The following RNF121 variants were observed in gnomAD, a reference collection of about 807,000 sequenced individuals.
The protein encoded by RNF121 is ring finger protein 121.
RNF121 carries 21 observed loss-of-function variants against 46.5 expected under a neutral mutation model. The ratio of observed to expected loss-of-function variants is 0.45; its 90% CI spans 0.32 to 0.65. RNF121 has a LOEUF of 0.65. Among genes scored for constraint, RNF121 ranks in the 30% least tolerant of loss-of-function variants. The pLI is 0.04. For missense variants in RNF121, 346 were observed against 416.0 expected, an observed-to-expected ratio of 0.83 and a Z score of 1.46; for synonymous variants, 139 against 144.7, an observed-to-expected ratio of 0.96 and a Z score of 0.28.
chr11:71,985,497 T>A (rs7945374), intron 4 of RNF121, among the ~76,000 whole-genome samples: 152,123 of 152,288 alleles, frequency 1, 75,982 homozygotes, highest in Middle Eastern at 1. Flanking sequence ...ATCAGTGCAA[T>A]CCCTGGAGAA....
At position 71,979,151 on chromosome 11, in the gene RNF121, C is replaced by T. The variant is rs182354644; in HGVS notation, c.244-3610C>T. 1.2e-3 allele frequency among the ~76,000 whole-genome samples: 178 copies of T among 152,342 alleles called. 1 individual carries two copies. The highest frequency in any genetic ancestry group is 4.2e-3 in the African/African-American group (175 of 41,586). ...GGTTGAATGAGTGAGTGGGTGAACA[C>T]TGCCTCTACTCTCCTAGGAAGTCTG... is the stretch of plus-strand genomic sequence containing the variant. On this transcript the variant is annotated intron_variant, in intron 3 of 8. Coordinates refer to ENST00000361756, the MANE Select transcript of RNF121 (RefSeq NM_018320.5).
chr11:71,976,919 C>T (rs1471466409), intron 3 of RNF121, among the ~76,000 whole-genome samples: 1 of 152,098 alleles, frequency 6.6e-6, no homozygotes, highest in Non-Finnish European at 1.5e-5. Flanking sequence ...TCATTTTGAT[C>T]TTATTTCTTC....
chr11:71,984,470 A>G (rs1178309204), intron 4 of RNF121, among the ~76,000 whole-genome samples: 1 of 151,668 alleles, frequency 6.6e-6, no homozygotes, highest in Admixed American at 6.6e-5. Flanking sequence ...TTTAGTAGAG[A>G]CAGGGTTTCC....
At chr11:71,936,094 A>G (rs896917806) in intron 1 of RNF121, among the ~76,000 whole-genome samples, 1 of 151,714 alleles carries the variant, frequency 6.6e-6, no homozygotes, top group African/African-American at 2.4e-5. Context: ...TGATCTGCCC[A>G]CCTTGGCCTC....
chr11:71,929,221 G>A, intron 1 of RNF121, 97 bp downstream of exon 1: 1 of 1,474,194 alleles, frequency 6.8e-7, no homozygotes, highest in Non-Finnish European at 9.1e-7. Flanking sequence ...AGAAGGGAAA[G>A]ATCCTGAGAG....
rs1186974043 is a variant in RNF121, at chr11:71,960,767, T to C, written c.119T>C (p.Met40Thr). 3.7e-6 allele frequency: 6 copies of C among 1,614,070 alleles called. No individual in the cohort carries two copies. In the South Asian group the frequency reaches 4.4e-5, roughly 12 times the overall value. Residue 40 changes from methionine to threonine, a missense_variant, in exon 3 of 9, where the codon ATG becomes ACG. Physicochemically the swap from Met to Thr is moderately conservative, Grantham distance 81 (BLOSUM62 -1). Around this residue, in one of 2 missense-constraint regions of RNF121, gnomAD observed 286 missense variants for 383.8 expected, o/e 0.75. Coordinates refer to ENST00000361756, the MANE Select transcript of RNF121 (RefSeq NM_018320.5). ...GCTTTCAGGGTCGAGCACGCACGCA[T>C]GCATGCCAAGCACCGTGGCCATGAA... ...EEQWRVEHAR[M>T]HAKHRGHEAM...
At chr11:71,978,070 AT>A (rs112341777) in intron 3 of RNF121, 24,743 of 255,618 alleles carry the variant, frequency 0.097, 174 homozygotes, top group South Asian at 0.15. Flanking sequence ...AATTTTTTGT[AT>A]TTTTTTTTTT....
intron 1 of RNF121, among the ~76,000 whole-genome samples, chr11:71,955,100 A>G (rs1953962000): frequency 6.6e-6 from 1 of 152,180 alleles, no homozygotes; most frequent in African/African-American, 2.4e-5. Context: ...GAGGGAAACA[A>G]GGTGCTAGGG....
At chr11:71,967,259 A>G (rs1319544288) in intron 3 of RNF121, among the ~76,000 whole-genome samples, 1 of 150,622 alleles carries the variant, frequency 6.6e-6, no homozygotes, top group African/African-American at 2.4e-5. Context: ...TTTTTAAATA[A>G]CATGTTTATA....
chr11:71,986,932 G>A, intron 4 of RNF121, 72 bp from the exon 5 acceptor site: 2 of 878,884 alleles, frequency 2.3e-6, no homozygotes, highest in South Asian at 1.3e-5. Flanking sequence ...GAGAATAAAG[G>A]ATTCTGGTGA....
intron 4 of RNF121, among the ~76,000 whole-genome samples, chr11:71,984,483 G>GT (rs1954726984): frequency 6.6e-6 from 1 of 151,818 alleles, no homozygotes; most frequent in Non-Finnish European, 1.5e-5. Context: ...GGGTTTCCCC[G>GT]TGTTAGCCAG....
chr11:71,944,334 A>G (rs1953663301), intron 1 of RNF121, among the ~76,000 whole-genome samples: 1 of 152,094 alleles, frequency 6.6e-6, no homozygotes, highest in South Asian at 2.1e-4. Flanking sequence ...CTCTGTCTCA[A>G]AAAAAAAGAG....
chr11:71,964,954 A>G (rs973650982), intron 3 of RNF121, among the ~76,000 whole-genome samples: 5 of 152,234 alleles, frequency 3.3e-5, no homozygotes, highest in African/African-American at 1.2e-4. Context: ...TTCTTAGAGG[A>G]TGAAGCAGAC....
At chr11:71,938,995 C>T (rs1181374318) in intron 1 of RNF121, 1 of 151,598 alleles carries the variant, frequency 6.6e-6, no homozygotes, top group African/African-American at 2.4e-5. Flanking sequence ...ACCTTTGCCT[C>T]CCGAGTTCAA....
chr11:71,948,910 A>G (rs1333483167), intron 1 of RNF121, among the ~76,000 whole-genome samples: 2 of 145,910 alleles, frequency 1.4e-5, no homozygotes, highest in East Asian at 2.0e-4. Context: ...CCCACCAGAT[A>G]GAGACAGTTA....
Position 71,996,463 on chromosome 11 carries a change from G to A in RNF121, c.*148G>A. The A allele has an allele frequency of 1.1e-6, 1 of 875,522 alleles. No homozygotes were observed. 54.2% of individuals were successfully genotyped at this position (875,522 alleles called of 1,614,324 possible). ...CCCTCTGGCTGTGTCGGACTGGGGA[G>A]GGATATGATGGAGAGCCAGCCAGTG... On this transcript the variant is annotated 3_prime_UTR_variant, in exon 9 of 9. Coordinates refer to ENST00000361756, the MANE Select transcript of RNF121 (RefSeq NM_018320.5).
At chr11:71,957,478 T>C (rs941069070) in intron 2 of RNF121, among the ~76,000 whole-genome samples, 3 of 152,200 alleles carry the variant, frequency 2.0e-5, no homozygotes, top group Non-Finnish European at 4.4e-5. Context: ...TATCTGGGTT[T>C]CAATACCATT....
intron 2 of RNF121, among the ~76,000 whole-genome samples, chr11:71,957,520 C>G (rs1486816380): frequency 3.9e-5 from 6 of 152,142 alleles, no homozygotes; most frequent in Non-Finnish European, 2.9e-5. Context: ...GATTTTTGAG[C>G]AAGTTACTTA....
chr11:71,966,403 T>C (rs1367612335), intron 3 of RNF121, among the ~76,000 whole-genome samples: 3 of 152,214 alleles, frequency 2.0e-5, no homozygotes, highest in Non-Finnish European at 4.4e-5. Flanking sequence ...CAAAACACAT[T>C]GGTCCCCTGC....
Sources: gnomAD v4.1 joint callset for allele counts (sites outside exome capture counted in the v4.1 genomes callset) on GRCh38, gnomAD v4.1.1 for gene constraint, gnomAD v4.1.1 regional missense constraint, MANE v1.5 for transcripts, NCBI Gene and HGNC (gene_info 2026-07-23, HGNC 2026-07-21) for gene names.